Variants in IL1R1 observed in about 807,000 individuals in gnomAD.
IL1R1 encodes interleukin-1 receptor type 1.
A neutral mutation model predicts 50.2 loss-of-function variants in IL1R1; 22 were observed. That is an observed-to-expected ratio of 0.44 (90% CI 0.31 to 0.63). IL1R1 has a LOEUF of 0.63. Among genes scored for constraint, IL1R1 ranks in the 20% least tolerant of loss-of-function variants. IL1R1 has a pLI of 0.07. For missense variants in IL1R1, 509 were observed against 676.2 expected (o/e 0.75, Z 2.74); for synonymous variants, 251 against 236.7 (o/e 1.06, Z -0.55).
At chr2:102,148,231 G>T (rs932048014) in intron 1 of IL1R1, among the ~76,000 whole-genome samples, 2 of 152,196 alleles carry the variant, frequency 1.3e-5, no homozygotes, top group Admixed American at 6.5e-5. Context: ...TCCCCAGCAC[G>T]CTCTGTGGTT....
chr2:102,166,387 C>T, intron 6 of IL1R1, 106 bp downstream of exon 6: 7 of 756,408 alleles, frequency 9.3e-6, no homozygotes, highest in Non-Finnish European at 1.4e-5. Flanking sequence ...CCAAGACGAC[C>T]TCAATGATAC....
upstream of IL1R1, among the ~76,000 whole-genome samples, chr2:102,138,949 C>G (rs1016664142): frequency 6.6e-6 from 1 of 152,202 alleles, no homozygotes; most frequent in Non-Finnish European, 1.5e-5. Context: ...AAAGATCTCA[C>G]TAATTTAGAG....
At chr2:102,128,711 C>T (rs1681862427) in intron 1 of IL1R1, among the ~76,000 whole-genome samples, 1 of 152,206 alleles carries the variant, frequency 6.6e-6, no homozygotes, top group African/African-American at 2.4e-5. Context: ...AAATCTCAAA[C>T]TCCTACATGT....
chr2:102,166,308 G>A (rs1685177448), intron 6 of IL1R1, 27 bp downstream of exon 6: 1 of 1,567,198 alleles, frequency 6.4e-7, no homozygotes, highest in Admixed American at 1.7e-5. Flanking sequence ...GCCCTAAAAG[G>A]TTTAGATCTG....
chr2:102,153,087 C>A (rs1382669292), intron 1 of IL1R1, among the ~76,000 whole-genome samples: 11 of 152,098 alleles, frequency 7.2e-5, no homozygotes, highest in African/African-American at 2.7e-4. Flanking sequence ...GCTACCACAA[C>A]CCAGCTTTTT....
upstream of IL1R1, among the ~76,000 whole-genome samples, chr2:102,137,822 A>G (rs1682429008): frequency 6.6e-6 from 1 of 152,212 alleles, no homozygotes; most frequent in African/African-American, 2.4e-5. Context: ...TATTAAAAGG[A>G]AGCCACCTAG....
chr2:102,118,536 G>C (rs1681219740), intron 1 of IL1R1, among the ~76,000 whole-genome samples: 1 of 152,104 alleles, frequency 6.6e-6, no homozygotes, highest in Non-Finnish European at 1.5e-5. Context: ...ACTTGTATTT[G>C]GTATCTGAAA....
upstream of IL1R1, among the ~76,000 whole-genome samples, chr2:102,101,501 C>G (rs949123661): frequency 1.3e-5 from 2 of 152,192 alleles, no homozygotes; most frequent in Non-Finnish European, 2.9e-5. Context: ...CATGCACACA[C>G]ATACACACAT....
upstream of IL1R1, among the ~76,000 whole-genome samples, chr2:102,099,807 C>T (rs1271834837): frequency 6.6e-6 from 1 of 152,154 alleles, no homozygotes; most frequent in Non-Finnish European, 1.5e-5. Context: ...ATGCCCTGTC[C>T]TGTACTTAAC....
At position 102,124,444 on chromosome 2, in the gene IL1R1, A is replaced by G. The variant is rs1357607952; in HGVS notation, c.-84+19572A>G. On this transcript the variant is annotated intron_variant, in intron 1 of 10. Transcript: ENST00000409329. ...CCCCCCCACCACTGCCCCCCCAAAA[A>G]AGAAATACTTGAGACTGGGTAATTT... Among the ~76,000 whole-genome samples the G allele has an allele frequency of 4.2e-5, 6 of 143,898 alleles. No individual in the cohort carries two copies. The East Asian group carries it at 1.2e-3, about 28-fold the overall frequency. The allele number at this position is 143,898 out of a possible 152,430, so 94.4% of individuals were successfully genotyped here. A position where few individuals can be genotyped will look rare whatever the true frequency, so the allele number is the denominator to read the frequency against.
intron 1 of IL1R1, among the ~76,000 whole-genome samples, chr2:102,077,221 C>A (rs1679007825): frequency 6.6e-6 from 1 of 152,128 alleles, no homozygotes; most frequent in South Asian, 2.1e-4. Context: ...CAGGTGCCTG[C>A]CACCATGCTG....
chr2:102,129,485 G>A (rs533488704), intron 1 of IL1R1, among the ~76,000 whole-genome samples: 1 of 152,308 alleles, frequency 6.6e-6, no homozygotes, highest in Non-Finnish European at 1.5e-5. Context: ...TAAGAAAGCT[G>A]CGGTGCAGTA....
At chr2:102,097,529 A>G (rs1185796932) in intron 1 of IL1R1, among the ~76,000 whole-genome samples, 1 of 152,190 alleles carries the variant, frequency 6.6e-6, no homozygotes, top group East Asian at 1.9e-4. Context: ...GAAAGAAAAA[A>G]GACTATAAAA....
intron 1 of IL1R1, among the ~76,000 whole-genome samples, chr2:102,148,956 AC>A (rs2104476793): frequency 1.8e-5 from 1 of 56,702 alleles, no homozygotes; most frequent in South Asian, 6.6e-4. Flanking sequence ...AAACAAACAA[AC>A]AAACAAACAA....
chr2:102,163,677 G>C (rs1485533309), intron 3 of IL1R1, among the ~76,000 whole-genome samples: 2 of 152,088 alleles, frequency 1.3e-5, no homozygotes, highest in African/African-American at 4.8e-5. Context: ...CCTATTGTCT[G>C]TGTCATTTCT....
intron 1 of IL1R1, among the ~76,000 whole-genome samples, chr2:102,098,846 G>A (rs1443275799): frequency 6.6e-6 from 1 of 152,132 alleles, no homozygotes; most frequent in African/African-American, 2.4e-5. Context: ...TTGTACTAAT[G>A]AGAACCTTTG....
chr2:102,080,364 T>C (rs1051277487), intron 1 of IL1R1, among the ~76,000 whole-genome samples: 5 of 152,172 alleles, frequency 3.3e-5, no homozygotes, highest in African/African-American at 1.2e-4. Context: ...TATGCACAAA[T>C]CTCTGATAAA....
In IL1R1 at chr2:102,164,783, A is replaced by C. The variant is rs750296992; in HGVS notation, c.71A>C (p.Lys24Thr). The C allele has an allele frequency of 1.2e-6, 2 of 1,611,824 alleles. No individual in the cohort carries two copies. The highest frequency in any genetic ancestry group is 2.2e-5 in the South Asian group (2 of 90,684). Residue 24 changes from lysine (K) to threonine (T), a missense_variant, in exon 4 of 12, where the codon AAG becomes ACG. Transcript: ENST00000410023. ...LISSLEADKC[K>T]EREEKIILVS... Reference sequence around the variant, plus strand: ...CTTCTTCCTTTTAAAGATAAATGCAAGGAACGTGAAGAAAAAATAATTTTA... The same window carrying C: ...CTTCTTCCTTTTAAAGATAAATGCACGGAACGTGAAGAAAAAATAATTTTA...
intron 1 of IL1R1, among the ~76,000 whole-genome samples, chr2:102,107,905 G>C (rs899611532): frequency 1.3e-5 from 2 of 152,082 alleles, no homozygotes; most frequent in Non-Finnish European, 2.9e-5. Context: ...GGATGCTTTT[G>C]CTCTGAATTT....
Sources: allele counts gnomAD v4.1 joint callset (sites outside exome capture counted in the v4.1 genomes callset), GRCh38; gene constraint gnomAD v4.1.1; transcripts MANE v1.5; gene names NCBI Gene and HGNC (gene_info 2026-07-23, HGNC 2026-07-21).